Variants in SLX4IP observed in about 807,000 individuals in gnomAD.
SLX4IP encodes the protein protein SLX4IP.
SLX4IP carries 34 observed loss-of-function variants against 32.9 expected under a neutral mutation model. The ratio of observed to expected loss-of-function variants is 1.03; its 90% confidence interval spans 0.79 to 1.38. The LOEUF is 1.38. Among genes scored for constraint, SLX4IP ranks in the 40% most tolerant of loss-of-function variants. The pLI, the probability that SLX4IP is intolerant of heterozygous loss-of-function variation, is 0.00. For synonymous variants in SLX4IP, 172 were observed against 171.7 expected (o/e 1.00, Z -0.01); for missense variants, 444 against 479.0 (o/e 0.93, Z 0.68).
At chr20:10,477,185 C>T (rs763365384) in intron 2 of SLX4IP, among the ~76,000 whole-genome samples, 37 of 151,280 alleles carry the variant, frequency 2.4e-4, no homozygotes, top group Non-Finnish European at 4.0e-4. Context: ...TTTTTTGAGA[C>T]GGAGTTTCGC....
chr20:10,507,919 T>TAC (rs539453040), intron 2 of SLX4IP, among the ~76,000 whole-genome samples: 5,033 of 150,518 alleles, frequency 0.033, 114 homozygotes, highest in Non-Finnish European at 0.053. Flanking sequence ...TATATATATA[T>TAC]ACATATATGT....
chr20:10,593,865 A>G (rs941616529), intron 4 of SLX4IP, among the ~76,000 whole-genome samples: 3 of 152,248 alleles, frequency 2.0e-5, no homozygotes, highest in Non-Finnish European at 4.4e-5. Context: ...AAGCAAATAC[A>G]TCTCTTAAAA....
chr20:10,561,980 G>C (rs575255907), intron 4 of SLX4IP, among the ~76,000 whole-genome samples: 2 of 152,238 alleles, frequency 1.3e-5, no homozygotes, highest in East Asian at 3.9e-4. Flanking sequence ...ATGTGTCATC[G>C]GTGCCCTGCG....
intron 2 of SLX4IP, among the ~76,000 whole-genome samples, chr20:10,538,964 A>G (rs1390399239): frequency 6.6e-6 from 1 of 152,246 alleles, no homozygotes. Context: ...TTTCCTGTTG[A>G]GGACTAATGC....
intron 6 of SLX4IP, among the ~76,000 whole-genome samples, chr20:10,604,297 T>C (rs530441121): frequency 6.6e-6 from 1 of 152,354 alleles, no homozygotes; most frequent in South Asian, 2.1e-4. Flanking sequence ...CTCACTCTTC[T>C]GCAGCCACAG....
intron 6 of SLX4IP, among the ~76,000 whole-genome samples, chr20:10,604,219 C>CA (rs2066876333): frequency 6.6e-6 from 1 of 152,192 alleles, no homozygotes; most frequent in Non-Finnish European, 1.5e-5. Context: ...TTGGTACCCG[C>CA]AGTAGCTATG....
intron 2 of SLX4IP, among the ~76,000 whole-genome samples, chr20:10,473,750 C>A (rs1017835917): frequency 4.6e-5 from 7 of 151,324 alleles, no homozygotes; most frequent in African/African-American, 7.3e-5. Context: ...TTACAGGCGC[C>A]TGCCACCACG....
At chr20:10,522,601 G>C (rs561247267) in intron 2 of SLX4IP, among the ~76,000 whole-genome samples, 15 of 152,308 alleles carry the variant, frequency 9.8e-5, no homozygotes, top group African/African-American at 3.6e-4. Flanking sequence ...TTGTTGACCT[G>C]TTGCATTCTT....
intron 4 of SLX4IP, among the ~76,000 whole-genome samples, chr20:10,564,559 A>G (rs2066369106): frequency 6.6e-6 from 1 of 152,224 alleles, no homozygotes; most frequent in South Asian, 2.1e-4. Context: ...TGAAGTCTCT[A>G]GGCTGGTGAC....
chr20:10,494,106 G>A (rs1475281489), intron 2 of SLX4IP, among the ~76,000 whole-genome samples: 2 of 151,314 alleles, frequency 1.3e-5, no homozygotes, highest in Non-Finnish European at 2.9e-5. Context: ...GATAAACTCT[G>A]CTTTGCTTTG....
At chr20:10,620,264 T>C (rs2067092391) in intron 6 of SLX4IP, among the ~76,000 whole-genome samples, 1 of 152,262 alleles carries the variant, frequency 6.6e-6, no homozygotes, top group Non-Finnish European at 1.5e-5. Flanking sequence ...ACACCTTGTA[T>C]GGATTATCTA....
At chr20:10,619,932 TG>T in intron 6 of SLX4IP, among the ~76,000 whole-genome samples, 1 of 152,368 alleles carries the variant, frequency 6.6e-6, no homozygotes, top group East Asian at 1.9e-4. Flanking sequence ...AAAACTCACT[TG>T]GGTTATAACC....
rs144163265 is a variant in SLX4IP at position 10,565,432 on chromosome 20, C to T, written c.238+4612C>T. 1.1e-4 allele frequency among the ~76,000 whole-genome samples: 16 copies of T among 152,282 alleles called. No individual in the cohort carries two copies. The South Asian group carries it at 2.1e-3, about 20-fold the overall frequency. Reference sequence around the variant, plus strand: ...ATGCTCCCTGTGATGCTTAGGACCACGTATCAGAAGCTTTGCCGAGCCTCA... The same window carrying T: ...ATGCTCCCTGTGATGCTTAGGACCATGTATCAGAAGCTTTGCCGAGCCTCA... On this transcript the variant is annotated intron_variant, in intron 4 of 7. Transcript: ENST00000334534.
At chr20:10,552,252 G>A (rs2066225034) in intron 2 of SLX4IP, among the ~76,000 whole-genome samples, 1 of 152,160 alleles carries the variant, frequency 6.6e-6, no homozygotes, top group Admixed American at 6.5e-5. Flanking sequence ...CCAGTTCTGG[G>A]CTGAGAAAGA....
intron 1 of SLX4IP, among the ~76,000 whole-genome samples, chr20:10,446,023 A>C (rs1172882361): frequency 1.3e-5 from 2 of 148,182 alleles, no homozygotes; most frequent in East Asian, 4.1e-4. Context: ...CCTCTGCCTG[A>C]GTAATATGCC....
chr20:10,551,389 C>T (rs761652292), intron 2 of SLX4IP, among the ~76,000 whole-genome samples: 9 of 152,312 alleles, frequency 5.9e-5, no homozygotes, highest in East Asian at 5.8e-4. Flanking sequence ...CGAATAGTAA[C>T]GGCTTGGTCC....
In SLX4IP at chr20:10,451,451, C is replaced by T. The variant is rs989994532; in HGVS notation, c.-29-6725C>T. ...TTGGGATTACAGGTGTGAACCACCG[C>T]GCCTGGCCGTGTTTTTCTTGTTTAA... On this transcript the variant is annotated intron_variant, in intron 1 of 7. Coordinates refer to ENST00000334534, the MANE Select transcript of SLX4IP (RefSeq NM_001009608.3). 7.2e-5 allele frequency among the ~76,000 whole-genome samples: 11 copies of T among 152,122 alleles called. No homozygotes were observed. The South Asian group carries it at 8.3e-4, about 12-fold the overall frequency.
intron 2 of SLX4IP, among the ~76,000 whole-genome samples, chr20:10,521,937 T>TA (rs576905124): frequency 2.6e-5 from 4 of 152,302 alleles, no homozygotes; most frequent in African/African-American, 7.2e-5. Flanking sequence ...AAATGACTTT[T>TA]AAAAAATCAA....
chr20:10,551,326 A>T (rs554329499), intron 2 of SLX4IP, among the ~76,000 whole-genome samples: 1 of 152,192 alleles, frequency 6.6e-6, no homozygotes, highest in East Asian at 1.9e-4. Flanking sequence ...AGTTGTCGCT[A>T]CTCCAGAATA....
Sources: allele counts gnomAD v4.1 joint callset (sites outside exome capture counted in the v4.1 genomes callset), GRCh38; gene constraint gnomAD v4.1.1; transcripts MANE v1.5; gene names NCBI Gene and HGNC (gene_info 2026-07-23, HGNC 2026-07-21).